FGF12: variants seen among roughly 807,000 people sequenced by gnomAD.
The protein encoded by FGF12 is fibroblast growth factor 12B.
In FGF12, 14 loss-of-function variants were observed where a neutral mutation model predicts 23.6. That is an observed-to-expected ratio of 0.59 (90% CI 0.39 to 0.93). The LOEUF (loss-of-function observed/expected upper bound fraction) is 0.93. Among genes scored for constraint, FGF12 ranks in the 40% least tolerant of loss-of-function variants. The probability of loss-of-function intolerance (pLI) is 0.00; values close to 1 mark genes in which losing one functional copy is unlikely to be tolerated. For synonymous variants in FGF12, 62 were observed against 77.3 expected, an observed-to-expected ratio of 0.80 and a Z score of 1.04; for missense variants, 175 against 217.8, an observed-to-expected ratio of 0.80 and a Z score of 1.24.
intron 2 of FGF12, among the ~76,000 whole-genome samples, chr3:192,565,978 C>T (rs1296105980): frequency 6.6e-6 from 1 of 152,012 alleles, no homozygotes; most frequent in African/African-American, 2.4e-5. Context: ...CCCAGCTACT[C>T]GGGAGGCTGA....
chr3:192,632,559 C>G (rs1422602391), intron 2 of FGF12, among the ~76,000 whole-genome samples: 1 of 152,186 alleles, frequency 6.6e-6, no homozygotes, highest in African/African-American at 2.4e-5. Flanking sequence ...ACAGTTAATG[C>G]TCAGTAATGG....
intron 2 of FGF12, among the ~76,000 whole-genome samples, chr3:192,472,676 C>T (rs1723207399): frequency 6.6e-6 from 1 of 152,106 alleles, no homozygotes; most frequent in African/African-American, 2.4e-5. Flanking sequence ...GGGAGAGAGT[C>T]ATTCACACTC....
chr3:192,355,132 T>C (rs1173052090), intron 3 of FGF12, among the ~76,000 whole-genome samples: 1 of 152,212 alleles, frequency 6.6e-6, no homozygotes, highest in Non-Finnish European at 1.5e-5. Flanking sequence ...GCACATACCC[T>C]TGACCCAGCA....
intron 2 of FGF12, among the ~76,000 whole-genome samples, chr3:192,670,403 T>G (rs1299819306): frequency 1.3e-5 from 2 of 152,294 alleles, no homozygotes; most frequent in African/African-American, 4.8e-5. Flanking sequence ...TAAAAGCACA[T>G]TAAAATCTTC....
intron 2 of FGF12, among the ~76,000 whole-genome samples, chr3:192,626,137 G>A (rs557110585): frequency 2.0e-4 from 30 of 152,218 alleles, no homozygotes; most frequent in African/African-American, 7.0e-4. Flanking sequence ...CCAAGAATAA[G>A]TAAATGATTA....
At chr3:192,682,910 C>G (rs1717585892) in intron 2 of FGF12, among the ~76,000 whole-genome samples, 1 of 152,208 alleles carries the variant, frequency 6.6e-6, no homozygotes, top group South Asian at 2.1e-4. Context: ...GACCTTGAGG[C>G]TCTGGTGAGC....
chr3:192,705,806 C>T (rs1018144497), intron 2 of FGF12, among the ~76,000 whole-genome samples: 1 of 152,126 alleles, frequency 6.6e-6, no homozygotes, highest in African/African-American at 2.4e-5. Context: ...TACAATGACA[C>T]GAGGCATCCC....
intron 5 of FGF12, among the ~76,000 whole-genome samples, chr3:192,148,782 G>A (rs1273119249): frequency 6.6e-6 from 1 of 152,128 alleles, no homozygotes; most frequent in African/African-American, 2.4e-5. Flanking sequence ...TTAAGGAAGA[G>A]GGAGTTGAGA....
intron 2 of FGF12, among the ~76,000 whole-genome samples, chr3:192,369,386 G>A (rs560430156): frequency 1.3e-5 from 2 of 152,260 alleles, no homozygotes; most frequent in South Asian, 4.1e-4. Flanking sequence ...TCCATAAACT[G>A]CACAGTCTCC....
At chr3:192,498,269 C>A (rs9819754) in intron 2 of FGF12, among the ~76,000 whole-genome samples, 292 of 152,276 alleles carry the variant, frequency 1.9e-3, no homozygotes, top group African/African-American at 6.8e-3. Context: ...CTCCTTGGGG[C>A]AGGCGTTGAC....
At chr3:192,442,865 T>C (rs1478200312) in intron 2 of FGF12, among the ~76,000 whole-genome samples, 2 of 151,104 alleles carry the variant, frequency 1.3e-5, no homozygotes, top group Admixed American at 6.6e-5. Flanking sequence ...TGGAGTGCAG[T>C]GGCGCAGTCT....
At chr3:192,175,224 G>A (rs1715790502) in intron 4 of FGF12, among the ~76,000 whole-genome samples, 1 of 152,084 alleles carries the variant, frequency 6.6e-6, no homozygotes, top group African/African-American at 2.4e-5. Context: ...AAAATCCCAG[G>A]CCACCTTGAT....
intron 2 of FGF12, among the ~76,000 whole-genome samples, chr3:192,682,312 C>T (rs1202685271): frequency 6.6e-6 from 1 of 152,100 alleles, no homozygotes; most frequent in Admixed American, 6.5e-5. Context: ...TTCCAATCCC[C>T]ATTGTTTCCC....
intron 2 of FGF12, among the ~76,000 whole-genome samples, chr3:192,600,434 G>A (rs763000841): frequency 6.6e-5 from 10 of 151,772 alleles, no homozygotes; most frequent in South Asian, 4.2e-4. Flanking sequence ...GAATATCATC[G>A]GTATTTTGAT....
At chr3:192,548,944 A>C (rs1411842482) in intron 2 of FGF12, among the ~76,000 whole-genome samples, 1 of 152,226 alleles carries the variant, frequency 6.6e-6, no homozygotes, top group South Asian at 2.1e-4. Flanking sequence ...AAAATACTTC[A>C]CTTGTGTTTC....
At chr3:192,345,407 G>GAAAAACAGA (rs1406604593) in intron 3 of FGF12, among the ~76,000 whole-genome samples, 10 of 42,834 alleles carry the variant, frequency 2.3e-4, no homozygotes, top group African/African-American at 1.6e-3. Context: ...TATAACATAG[G>GAAAAACAGA]CCGGGCGCGG....
intron 4 of FGF12, among the ~76,000 whole-genome samples, chr3:192,283,264 T>C (rs750977707): frequency 6.6e-5 from 10 of 152,126 alleles, no homozygotes; most frequent in Non-Finnish European, 1.3e-4. Flanking sequence ...ATGTTATTTA[T>C]AATAGTAATA....
At chr3:192,206,695 A>G (rs1464538079) in intron 4 of FGF12, among the ~76,000 whole-genome samples, 1 of 152,180 alleles carries the variant, frequency 6.6e-6, no homozygotes, top group Non-Finnish European at 1.5e-5. Context: ...TTTCGACAAG[A>G]TAGGGTGGAT....
chr3:192,680,595 A>G (rs964066564), intron 2 of FGF12, among the ~76,000 whole-genome samples: 12 of 152,242 alleles, frequency 7.9e-5, no homozygotes, highest in Admixed American at 2.6e-4. Flanking sequence ...CAGTGATTGC[A>G]CAGCAGGAAA....
Sources: allele counts gnomAD v4.1 joint callset (sites outside exome capture counted in the v4.1 genomes callset), GRCh38; gene constraint gnomAD v4.1.1; transcripts MANE v1.5; gene names NCBI Gene and HGNC (gene_info 2026-07-23, HGNC 2026-07-21).